The following CCDC85C variants were observed in gnomAD, a reference collection of about 807,000 sequenced individuals.
CCDC85C encodes the protein coiled-coil domain containing 85C.
CCDC85C carries 18 observed loss-of-function variants against 38.3 expected under a neutral mutation model. The observed-to-expected ratio is 0.47, with a 90% CI of 0.33 to 0.70. CCDC85C has a LOEUF of 0.70. CCDC85C is among the 30% of genes least tolerant of loss of function. CCDC85C has a pLI of 0.03. For missense variants in CCDC85C, 566 were observed against 621.2 expected, an observed-to-expected ratio of 0.91 and a Z score of 0.94; for synonymous variants, 264 against 293.8, an observed-to-expected ratio of 0.90 and a Z score of 1.04.
At chr14:99,559,197 A>G (rs1048379583) in intron 1 of CCDC85C, among the ~76,000 whole-genome samples, 1 of 135,384 alleles carries the variant, frequency 7.4e-6, no homozygotes, top group African/African-American at 2.9e-5. Flanking sequence ...GCAATGCGAG[A>G]GCAGCCGAAT....
chr14:99,580,196 G>A, intron 1 of CCDC85C: 2 of 447,472 alleles, frequency 4.5e-6, no homozygotes, highest in Admixed American at 2.4e-5. Flanking sequence ...TGGCTCAGGT[G>A]TGGCCCCGGA....
Position 99,577,541 on chromosome 14 carries a change from CA to C in CCDC85C, c.793+25625del, listed in dbSNP as rs558508722. Among the ~76,000 whole-genome samples the C allele has an allele frequency of 2.3e-3, 348 of 152,102 alleles. 1 individual carries two copies. Among genetic ancestry groups the C allele is most frequent in the African/African-American group, 8.2e-3 (340 of 41,550 alleles). ...GGCTCCGGGACACCCCTGCAGTGAA[CA>C]AGACCTGTGTGGGGAGCTGAGGAGC... On this transcript the variant is annotated intron_variant, in intron 1 of 5. Coordinates refer to ENST00000380243, the MANE Select transcript of CCDC85C (RefSeq NM_001144995.2).
intron 1 of CCDC85C, among the ~76,000 whole-genome samples, chr14:99,568,444 C>G (rs755802820): frequency 4.0e-4 from 61 of 151,996 alleles, no homozygotes; most frequent in Non-Finnish European, 2.9e-5. Context: ...GAACCTCTGT[C>G]CGAGGCAGCT....
Position 99,505,412 on chromosome 14 carries a change from A to G in CCDC85C, c.*9834T>C, listed in dbSNP as rs2139877637. 6.6e-6 allele frequency: 1 copy of G among 152,376 alleles called. No individual in the cohort carries two copies. Among genetic ancestry groups the G allele is most frequent in the East Asian group, 1.9e-4 (1 of 5,192 alleles). The allele number at this position is 152,376 out of a possible 1,614,324, so 9.4% of individuals were successfully genotyped here. A position where few individuals can be genotyped will look rare whatever the true frequency, so the allele number is the denominator to read the frequency against. On this transcript the variant is annotated 3_prime_UTR_variant, in exon 6 of 6. Coordinates refer to ENST00000380243, the MANE Select transcript of CCDC85C (RefSeq NM_001144995.2). ...GAAGCACTGACAATGCAAAATACAC[A>G]GAGATTTCCAAGAAAGGAGAACGTA...
chr14:99,540,097 G>T (rs1359183478), intron 1 of CCDC85C, among the ~76,000 whole-genome samples: 1 of 152,028 alleles, frequency 6.6e-6, no homozygotes, highest in Non-Finnish European at 1.5e-5. Context: ...GCAGTGAGCC[G>T]AGATCACGCC....
chr14:99,585,303 A>G (rs1338094883), intron 1 of CCDC85C, among the ~76,000 whole-genome samples: 1 of 152,190 alleles, frequency 6.6e-6, no homozygotes, highest in Non-Finnish European at 1.5e-5. Flanking sequence ...GGAAGAAGAA[A>G]AAGTTACTAA....
chr14:99,602,579 G>A (rs887066098), intron 1 of CCDC85C, among the ~76,000 whole-genome samples: 5 of 152,172 alleles, frequency 3.3e-5, no homozygotes, highest in Admixed American at 1.3e-4. Flanking sequence ...AAAGGTCCCA[G>A]GACTAGAAGG....
At chr14:99,518,227 G>C (rs1227395539) in intron 3 of CCDC85C, among the ~76,000 whole-genome samples, 2 of 152,124 alleles carry the variant, frequency 1.3e-5, no homozygotes, top group Non-Finnish European at 2.9e-5. Flanking sequence ...TGCAGGCCTG[G>C]CAGCCAACCC....
Position 99,500,716 on chromosome 14 carries a change from T to G in CCDC85C, c.*14530A>C. 1.4e-5 allele frequency: 17 copies of G among 1,185,004 alleles called. No homozygotes were observed. Among genetic ancestry groups the G allele is most frequent in the Middle Eastern group, 1.9e-4 (1 of 5,246 alleles). The allele number at this position is 1,185,004 out of a possible 1,614,324, so 73.4% of individuals were successfully genotyped here. ...GAAAGCTCACTTTTGTAATGCTGCT[T>G]GAGACCTGCAATTGTAATTACTGTC... On this transcript the variant is annotated 3_prime_UTR_variant, in exon 6 of 6. Transcript: ENST00000380243.
chr14:99,540,718 G>C (rs1361080985), intron 1 of CCDC85C, among the ~76,000 whole-genome samples: 5 of 152,192 alleles, frequency 3.3e-5, no homozygotes, highest in African/African-American at 1.2e-4. Flanking sequence ...CGGGGAGGAG[G>C]GTGTCTCCCT....
chr14:99,567,392 C>T (rs1328165387), intron 1 of CCDC85C, among the ~76,000 whole-genome samples: 1 of 152,158 alleles, frequency 6.6e-6, no homozygotes, highest in African/African-American at 2.4e-5. Flanking sequence ...GGCGTGACAA[C>T]CAGGGGAGGC....
chr14:99,522,316 A>T, intron 2 of CCDC85C, 76 bp from the exon 3 acceptor site: 1 of 1,140,898 alleles, frequency 8.8e-7, no homozygotes, highest in African/African-American at 1.5e-5. Flanking sequence ...ATGGCTCCTC[A>T]CGGCAGCAGG....
At chr14:99,529,213 G>A (rs755337530) in intron 2 of CCDC85C, among the ~76,000 whole-genome samples, 6 of 151,972 alleles carry the variant, frequency 3.9e-5, no homozygotes, top group East Asian at 3.9e-4. Flanking sequence ...TCAAACTCAC[G>A]TGTATGTGCC....
intron 1 of CCDC85C, among the ~76,000 whole-genome samples, chr14:99,574,638 G>A (rs1405367882): frequency 1.3e-5 from 2 of 152,208 alleles, no homozygotes; most frequent in Non-Finnish European, 1.5e-5. Context: ...AGGGGAGAGC[G>A]GAGAGGAGAG....
Position 99,569,839 on chromosome 14 carries a change from T to C in CCDC85C, c.793+33328A>G, listed in dbSNP as rs945193632. Among the ~76,000 whole-genome samples, 2 of 152,016 alleles carry C rather than the reference T, an allele frequency of 1.3e-5. No individual in the cohort carries two copies. Among genetic ancestry groups the C allele is most frequent in the African/African-American group, 4.8e-5 (2 of 41,396 alleles). ...ATACTGGAGGTTAGAAAGACCCCTG[T>C]TGTAATCCCAACTTTGGGAAGCTGA... On this transcript the variant is annotated intron_variant, in intron 1 of 5. Transcript: ENST00000380243. The surrounding 1 kb of genome is among the most constrained non-coding windows in gnomAD (Gnocchi z 4.3).
chr14:99,502,349 C>A lies in CCDC85C; in HGVS notation c.*12897G>T. 1 of 1,613,634 alleles carries A rather than the reference C, an allele frequency of 6.2e-7. No homozygotes were observed. The highest frequency in any genetic ancestry group is 8.5e-7 in the Non-Finnish European group (1 of 1,179,810). ...TAGGAGATGGTGGGAGCAGTTTGTT[C>A]AAGATGTCCCGGTCGACGTTTTGGA... On this transcript the variant is annotated 3_prime_UTR_variant, in exon 6 of 6. Transcript: ENST00000380243.
chr14:99,564,163 C>T (rs1487464226), intron 1 of CCDC85C, among the ~76,000 whole-genome samples: 2 of 152,242 alleles, frequency 1.3e-5, no homozygotes, highest in East Asian at 1.9e-4. Flanking sequence ...AGCACTGTCT[C>T]TCCACAGAAG....
chr14:99,529,058 G>C (rs1385539148), intron 2 of CCDC85C, among the ~76,000 whole-genome samples: 2 of 152,186 alleles, frequency 1.3e-5, no homozygotes, highest in East Asian at 3.9e-4. Context: ...GCTTCAGCTG[G>C]GGGTCCAGAG....
intron 1 of CCDC85C, among the ~76,000 whole-genome samples, chr14:99,555,781 C>T (rs550653765): frequency 6.6e-6 from 1 of 152,300 alleles, no homozygotes; most frequent in Admixed American, 6.5e-5. Context: ...TGCATGTCTC[C>T]AAGAGCCTCC....
Sources: gnomAD v4.1 joint callset for allele counts (sites outside exome capture counted in the v4.1 genomes callset) on GRCh38, gnomAD v4.1.1 for gene constraint, Gnocchi (gnomAD v3.1) non-coding constraint, MANE v1.5 for transcripts, NCBI Gene and HGNC (gene_info 2026-07-23, HGNC 2026-07-21) for gene names.